The following CSMD1 variants were observed in gnomAD, a reference collection of about 807,000 sequenced individuals.
The protein encoded by CSMD1 is CUB and Sushi multiple domains 1.
A neutral mutation model predicts 417.5 loss-of-function variants in CSMD1; 213 were observed. The observed-to-expected ratio is 0.51, with a 90% CI of 0.46 to 0.57. CSMD1 has a LOEUF of 0.57. Among genes scored for constraint, CSMD1 ranks in the 20% least tolerant of loss-of-function variants. The pLI, the probability that CSMD1 is intolerant of heterozygous loss-of-function variation, is 0.00. For synonymous variants in CSMD1, 2,862 were observed against 1,736.8 expected (o/e 1.65, Z -16.11); for missense variants, 6,923 against 4,529.7 (o/e 1.53, Z -15.17).
At chr8:3,334,736 C>G (rs1807137582) in intron 23 of CSMD1, among the ~76,000 whole-genome samples, 1 of 152,198 alleles carries the variant, frequency 6.6e-6, no homozygotes, top group African/African-American at 2.4e-5. Flanking sequence ...AGAATGGATG[C>G]CATTCTTTTT....
chr8:4,916,944 G>C (rs4503116), intron 1 of CSMD1, among the ~76,000 whole-genome samples: 2 of 152,000 alleles, frequency 1.3e-5, no homozygotes, highest in Non-Finnish European at 2.9e-5. Flanking sequence ...TGTGAGACAT[G>C]TCATTAGGCA....
intron 18 of CSMD1, among the ~76,000 whole-genome samples, chr8:3,387,054 A>G (rs970326665): frequency 2.6e-5 from 4 of 152,146 alleles, no homozygotes; most frequent in African/African-American, 9.7e-5. Context: ...CAGAATGAGA[A>G]CTCCCAGGAG....
At chr8:2,942,860 G>C (rs1049954015) in intron 68 of CSMD1, among the ~76,000 whole-genome samples, 2 of 152,124 alleles carry the variant, frequency 1.3e-5, no homozygotes, top group African/African-American at 4.8e-5. Flanking sequence ...AAAGGCAAAA[G>C]GGTCAGTATA....
chr8:4,728,404 G>C (rs1410598532), intron 1 of CSMD1, among the ~76,000 whole-genome samples: 2 of 151,938 alleles, frequency 1.3e-5, no homozygotes, highest in African/African-American at 2.4e-5. Flanking sequence ...GTTTAGTTTG[G>C]AGACTATAAA....
At chr8:4,631,061 C>T (rs1393869437) in intron 2 of CSMD1, among the ~76,000 whole-genome samples, 4 of 152,104 alleles carry the variant, frequency 2.6e-5, no homozygotes, top group Non-Finnish European at 4.4e-5. Context: ...ACTCACTAGC[C>T]AAGCTAAAAA....
rs189905447 is a variant in CSMD1, at chr8:3,799,089, C to T, written c.819-45047G>A. ...TTAGAACATGAAAAACTTCCAAATG[C>T]CATTTTTTATTATCCTCAATTTGCT... On this transcript the variant is annotated intron_variant, in intron 5 of 69. Coordinates refer to ENST00000635120, the MANE Select transcript of CSMD1 (RefSeq NM_033225.6). Among the ~76,000 whole-genome samples, 467 of 151,884 alleles carry T rather than the reference C, an allele frequency of 3.1e-3. 12 individuals carry two copies. The highest frequency in any genetic ancestry group is 1.0e-3 in the Non-Finnish European group (69 of 67,962).
intron 2 of CSMD1, among the ~76,000 whole-genome samples, chr8:4,591,965 A>G (rs143115720): frequency 8.6e-4 from 131 of 152,174 alleles, no homozygotes; most frequent in Middle Eastern, 3.4e-3. Context: ...GCCTAGATAG[A>G]TGGAGATATT....
chr8:3,773,573 C>T (rs1297697008), intron 5 of CSMD1, among the ~76,000 whole-genome samples: 2 of 152,174 alleles, frequency 1.3e-5, no homozygotes, highest in Non-Finnish European at 2.9e-5. Flanking sequence ...AGGCATGAGC[C>T]ACCACACCCG....
intron 26 of CSMD1, among the ~76,000 whole-genome samples, chr8:3,256,655 A>G (rs1258106436): frequency 6.6e-6 from 1 of 152,206 alleles, no homozygotes; most frequent in Non-Finnish European, 1.5e-5. Context: ...CCTTGCAAGA[A>G]CACCCACACT....
chr8:4,007,518 T>C (rs144678239), intron 4 of CSMD1, among the ~76,000 whole-genome samples: 105 of 152,022 alleles, frequency 6.9e-4, no homozygotes, highest in African/African-American at 2.3e-3. Flanking sequence ...ATATTTAAAC[T>C]AGCACTCACC....
At chr8:4,147,718 G>C (rs759400872) in intron 3 of CSMD1, among the ~76,000 whole-genome samples, 15 of 152,206 alleles carry the variant, frequency 9.9e-5, no homozygotes, top group East Asian at 3.9e-4. Context: ...TTCAGATGCA[G>C]ACACTGAAGC....
chr8:3,820,386 A>G (rs1585045296), intron 5 of CSMD1, among the ~76,000 whole-genome samples: 1 of 152,296 alleles, frequency 6.6e-6, no homozygotes, highest in East Asian at 1.9e-4. Flanking sequence ...GTACCAAAGA[A>G]GGACTAAAAG....
chr8:4,329,853 CA>C (rs1315697878), intron 3 of CSMD1, among the ~76,000 whole-genome samples: 1 of 53,612 alleles, frequency 1.9e-5, no homozygotes, highest in African/African-American at 2.1e-4. Flanking sequence ...CCTGCTTACA[CA>C]CACACACACA....
chr8:3,800,631 T>TTTGGG (rs1348568768), intron 5 of CSMD1, among the ~76,000 whole-genome samples: 8 of 152,182 alleles, frequency 5.3e-5, no homozygotes, highest in Admixed American at 3.9e-4. Context: ...AGAAGAGGTA[T>TTTGGG]TTGGGTTATG....
At chr8:3,211,848 C>G (rs914707056) in intron 30 of CSMD1, among the ~76,000 whole-genome samples, 1 of 152,206 alleles carries the variant, frequency 6.6e-6, no homozygotes, top group Non-Finnish European at 1.5e-5. Context: ...GGGCAAGCAC[C>G]CAGAACCACT....
At chr8:4,289,956 G>A (rs1462013739) in intron 3 of CSMD1, among the ~76,000 whole-genome samples, 3 of 152,290 alleles carry the variant, frequency 2.0e-5, no homozygotes, top group South Asian at 2.1e-4. Flanking sequence ...CTTCTTGAGA[G>A]GAGACTCATT....
intron 5 of CSMD1, among the ~76,000 whole-genome samples, chr8:3,990,882 C>G (rs1183532426): frequency 6.6e-6 from 1 of 152,090 alleles, no homozygotes; most frequent in Admixed American, 6.5e-5. Context: ...ACCTTCTTTG[C>G]TCCTGGAGGT....
chr8:3,768,430 T>C (rs2720773), intron 5 of CSMD1, among the ~76,000 whole-genome samples: 41,223 of 152,140 alleles, frequency 0.27, 6,446 homozygotes, highest in African/African-American at 0.44. Context: ...ATGTTTTAAA[T>C]TGATTACTGT....
At chr8:3,740,876 C>A (rs1237982793) in intron 6 of CSMD1, among the ~76,000 whole-genome samples, 2 of 152,054 alleles carry the variant, frequency 1.3e-5, no homozygotes, top group African/African-American at 4.8e-5. Flanking sequence ...AGGCAGAGCC[C>A]TACTCAGCTT....
Sources: allele counts gnomAD v4.1 joint callset (sites outside exome capture counted in the v4.1 genomes callset), GRCh38; gene constraint gnomAD v4.1.1; transcripts MANE v1.5; gene names NCBI Gene and HGNC (gene_info 2026-07-23, HGNC 2026-07-21).